Variants in WAPL observed in about 807,000 individuals in gnomAD.
WAPL encodes the protein WAPL cohesin release factor.
WAPL carries 5 observed loss-of-function variants against 121.0 expected under a neutral mutation model. That is an observed-to-expected ratio of 0.04 (90% CI 0.02 to 0.09). The LOEUF is 0.09. WAPL is among the 10% of genes least tolerant of loss of function. WAPL has a pLI of 1.00. For synonymous variants in WAPL, 480 were observed against 481.5 expected (o/e 1.00, Z 0.04); for missense variants, 999 against 1,410.8 (o/e 0.71, Z 4.68).
At chr10:86,491,092 A>T (rs188389309) in intron 4 of WAPL, among the ~76,000 whole-genome samples, 125 of 150,930 alleles carry the variant, frequency 8.3e-4, no homozygotes, top group Middle Eastern at 3.4e-3. Context: ...TACATACATA[A>T]ATAAATTTGA....
At chr10:86,521,300 G>T (rs1842670989) in intron 1 of WAPL, 65 bp downstream of exon 1, 3 of 250,850 alleles carry the variant, frequency 1.2e-5, no homozygotes, top group Admixed American at 6.3e-5. Flanking sequence ...CCCGCTCCCA[G>T]CCTCTGCCTC....
chr10:86,447,472 G>T (rs1312589390), intron 15 of WAPL, among the ~76,000 whole-genome samples: 1 of 152,008 alleles, frequency 6.6e-6, no homozygotes, highest in East Asian at 1.9e-4. Context: ...AAAATAAAAA[G>T]AATGAACCAC....
At chr10:86,484,183 C>T (rs981298054) in intron 4 of WAPL, among the ~76,000 whole-genome samples, 7 of 152,100 alleles carry the variant, frequency 4.6e-5, no homozygotes, top group East Asian at 3.8e-4. Context: ...CAAATTAAAA[C>T]GTTTATAATG....
rs200469834 is a variant in WAPL, at chr10:86,446,444, G to A, written c.3120C>T (p.Phe1040=). ...GCTGGGCTGCCCGCTCTCGCTCAAG[G>A]AATAGCTGATAAAAATTATTTTTGA... ...VHAVQALVQL[F]LERERAAQLA... Residue 1040 remains phenylalanine (F), a synonymous_variant, in exon 16 of 19, where the codon TTC becomes TTT. Transcript: ENST00000298767. 2.6e-5 allele frequency: 42 copies of A among 1,612,886 alleles called. No individual in the cohort carries two copies. The highest frequency in any genetic ancestry group is 3.5e-5 in the Non-Finnish European group (41 of 1,179,696).
intron 4 of WAPL, among the ~76,000 whole-genome samples, chr10:86,482,770 A>G (rs977614412): frequency 2.6e-5 from 4 of 152,220 alleles, no homozygotes; most frequent in Non-Finnish European, 5.9e-5. Flanking sequence ...GGGATTCACT[A>G]AAGAAGTCAA....
chr10:86,487,726 T>TA (rs1275641541), intron 4 of WAPL, among the ~76,000 whole-genome samples: 2 of 151,686 alleles, frequency 1.3e-5, no homozygotes, highest in African/African-American at 4.8e-5. Context: ...CCACCTCTAC[T>TA]AAAAAATACC....
intron 4 of WAPL, among the ~76,000 whole-genome samples, chr10:86,474,437 T>C (rs1192215839): frequency 2.0e-5 from 3 of 149,082 alleles, no homozygotes. Flanking sequence ...ATCACCTGAA[T>C]CCGGAGGCAG....
Position 86,472,995 on chromosome 10 carries a change from T to C in WAPL, c.1741-231A>G, listed in dbSNP as rs1841567820. 6.6e-6 allele frequency among the ~76,000 whole-genome samples: 1 copy of C among 152,172 alleles called. No homozygotes were observed. The highest frequency in any genetic ancestry group is 1.5e-5 in the Non-Finnish European group (1 of 68,022). The stretch of plus-strand genomic sequence containing the variant: ...ACCACTCAAGGATTTCTTCTGGTCT[T>C]TTTTAAACTTTTTATTTCACACAAT... On this transcript the variant is annotated intron_variant, in intron 5 of 18. Transcript: ENST00000298767. The surrounding 1 kb of genome is among the most constrained non-coding windows in gnomAD (Gnocchi z 4.2).
intron 4 of WAPL, among the ~76,000 whole-genome samples, chr10:86,496,557 T>G (rs1314111630): frequency 2.0e-5 from 3 of 152,236 alleles, no homozygotes; most frequent in Non-Finnish European, 4.4e-5. Flanking sequence ...CATCAACAGA[T>G]GAATGGATAA....
intron 2 of WAPL, among the ~76,000 whole-genome samples, chr10:86,507,089 C>T (rs1348688694): frequency 6.6e-6 from 1 of 150,484 alleles, no homozygotes; most frequent in Non-Finnish European, 1.5e-5. Flanking sequence ...AAGTAGTGGC[C>T]GGGCATGGTG....
chr10:86,467,662 G>A (rs184740929), intron 8 of WAPL, among the ~76,000 whole-genome samples, 156 bp from the exon 9 acceptor site: 7 of 151,806 alleles, frequency 4.6e-5, no homozygotes, highest in Admixed American at 6.6e-5. Context: ...TTTATTCAGC[G>A]GTCCCTCTAA....
intron 12 of WAPL, among the ~76,000 whole-genome samples, chr10:86,454,264 ACAGT>A: frequency 6.6e-6 from 1 of 152,342 alleles, no homozygotes; most frequent in South Asian, 2.1e-4. Flanking sequence ...ACCAACGTTG[ACAGT>A]ATAAATCATT....
intron 9 of WAPL, among the ~76,000 whole-genome samples, chr10:86,466,837 T>G (rs1456065183): frequency 1.3e-5 from 2 of 152,148 alleles, no homozygotes; most frequent in African/African-American, 4.8e-5. Flanking sequence ...TAGCTGGGAC[T>G]ACAGGTGCAC....
Position 86,452,028 on chromosome 10 carries a change from C to A in WAPL, c.3053G>T (p.Gly1018Val). The A allele has an allele frequency of 6.2e-7, 1 of 1,614,158 alleles. No homozygotes were observed. The highest frequency in any genetic ancestry group is 8.5e-7 in the Non-Finnish European group (1 of 1,180,046). The change falls in exon 15 of 19, where the codon GGA (glycine) becomes GTA (valine). Residue 1018 changes from glycine to valine, a missense_variant. Gly to Val is a moderately radical substitution (Grantham distance 109, BLOSUM62 -3). Coordinates refer to ENST00000298767, the MANE Select transcript of WAPL (RefSeq NM_015045.5). Reference protein sequence around the residue: ...SCSFDSSICSGEGDDSLRIGG... With the variant: ...SCSFDSSICSVEGDDSLRIGG... ...TATCCTTAAACTATCATCCCCTTCT[C>A]CACTACAGATGGAAGAATCAAAAGA...
intron 4 of WAPL, among the ~76,000 whole-genome samples, chr10:86,480,274 A>C (rs960473388): frequency 1.3e-5 from 2 of 152,206 alleles, no homozygotes; most frequent in African/African-American, 4.8e-5. Flanking sequence ...TATCTTCATG[A>C]AGAACAATGC....
intron 15 of WAPL, among the ~76,000 whole-genome samples, chr10:86,451,352 G>A (rs563423572): frequency 2.6e-5 from 4 of 152,144 alleles, no homozygotes; most frequent in African/African-American, 7.2e-5. Flanking sequence ...TGCATTCTAA[G>A]CAGTGTACCT....
chr10:86,502,871 A>T, intron 2 of WAPL, among the ~76,000 whole-genome samples: 1 of 152,202 alleles, frequency 6.6e-6, no homozygotes, highest in East Asian at 1.9e-4. Context: ...TAAACACTAA[A>T]ATGCTAGGCC....
chr10:86,435,741 CCT>C lies in WAPL; in HGVS notation c.*1800_*1801del, dbSNP rs1301110506. On this transcript the variant is annotated 3_prime_UTR_variant, in exon 19 of 19. Transcript: ENST00000298767. ...AGTGTAACAGAAAAATGCAGTTCGC[CCT>C]GATTGTTCTCATCCAAATGTTTTAT... The C allele has an allele frequency of 1.3e-5, 2 of 152,476 alleles. No homozygotes were observed. Among genetic ancestry groups the C allele is most frequent in the Non-Finnish European group, 2.9e-5 (2 of 68,022 alleles). The allele number at this position is 152,476 out of a possible 1,614,324, so 9.4% of individuals were successfully genotyped here.
chr10:86,480,422 C>A (rs1482702580), intron 4 of WAPL, among the ~76,000 whole-genome samples: 1 of 152,120 alleles, frequency 6.6e-6, no homozygotes, highest in Non-Finnish European at 1.5e-5. Context: ...ATGCAAAAAA[C>A]CATAAAATTC....
Sources: gnomAD v4.1 joint callset for allele counts (sites outside exome capture counted in the v4.1 genomes callset) on GRCh38, gnomAD v4.1.1 for gene constraint, Gnocchi (gnomAD v3.1) non-coding constraint, MANE v1.5 for transcripts, NCBI Gene and HGNC (gene_info 2026-07-23, HGNC 2026-07-21) for gene names.